Variants in NEDD9 observed in about 807,000 individuals in gnomAD.
The protein encoded by NEDD9 is neural precursor cell expressed, developmentally down-regulated 9, also known as enhancer of filamentation 1.
A neutral mutation model predicts 76.6 loss-of-function variants in NEDD9; 26 were observed. The ratio of observed to expected loss-of-function variants is 0.34; its 90% CI spans 0.25 to 0.47. NEDD9 has a LOEUF of 0.47. NEDD9 is among the 20% of genes least tolerant of loss of function. NEDD9 has a pLI of 1.00. For synonymous variants in NEDD9, 392 were observed against 414.2 expected (o/e 0.95, Z 0.65); for missense variants, 937 against 1,058.5 (o/e 0.89, Z 1.59).
chr6:11,217,160 G>C (rs1485410679), intron 1 of NEDD9, among the ~76,000 whole-genome samples: 1 of 152,224 alleles, frequency 6.6e-6, no homozygotes, highest in Non-Finnish European at 1.5e-5. Flanking sequence ...CAAGGTTTCA[G>C]TAAGACCATA....
intron 3 of NEDD9, among the ~76,000 whole-genome samples, chr6:11,298,630 A>T (rs1760961070): frequency 6.6e-6 from 1 of 152,250 alleles, no homozygotes; most frequent in Non-Finnish European, 1.5e-5. Flanking sequence ...GTAGGTATAA[A>T]AAATGAGAAG....
At chr6:11,345,980 A>G (rs533466664) in intron 1 of NEDD9, among the ~76,000 whole-genome samples, 1 of 152,228 alleles carries the variant, frequency 6.6e-6, no homozygotes, top group African/African-American at 2.4e-5. Context: ...ACCTCCAGGT[A>G]CTCTGCCCCC....
intron 1 of NEDD9, among the ~76,000 whole-genome samples, chr6:11,347,222 C>A (rs2113529937): frequency 6.6e-6 from 1 of 152,272 alleles, no homozygotes; most frequent in South Asian, 2.1e-4. Context: ...TGAGCTGCAA[C>A]TTTGGGCAAG....
intron 3 of NEDD9, among the ~76,000 whole-genome samples, chr6:11,247,596 C>T (rs1448198354): frequency 2.0e-5 from 3 of 152,176 alleles, no homozygotes; most frequent in Non-Finnish European, 4.4e-5. Context: ...CCATCACTCC[C>T]CATTTCCCCC....
intron 3 of NEDD9, among the ~76,000 whole-genome samples, chr6:11,277,465 G>A (rs866129265): frequency 7.9e-5 from 12 of 152,302 alleles, no homozygotes; most frequent in Admixed American, 2.6e-4. Flanking sequence ...GCTCAGGAAT[G>A]TGTTTCAATT....
intron 3 of NEDD9, among the ~76,000 whole-genome samples, chr6:11,292,268 A>G (rs1760796696): frequency 6.6e-6 from 1 of 152,214 alleles, no homozygotes; most frequent in Non-Finnish European, 1.5e-5. Flanking sequence ...AGCGTCTGGT[A>G]GGCATGGGAA....
intron 2 of NEDD9, among the ~76,000 whole-genome samples, chr6:11,332,057 C>T (rs1035423514): frequency 6.6e-6 from 1 of 152,288 alleles, no homozygotes; most frequent in African/African-American, 2.4e-5. Flanking sequence ...ACATGTCTTT[C>T]ATGAGCATTT....
intron 2 of NEDD9, among the ~76,000 whole-genome samples, chr6:11,324,073 G>A (rs754083267): frequency 1.3e-5 from 2 of 152,194 alleles, no homozygotes; most frequent in Non-Finnish European, 2.9e-5. Context: ...GCCCCACAAG[G>A]ATGCCGGGGA....
chr6:11,380,918 C>G (rs1354671953), intron 1 of NEDD9, among the ~76,000 whole-genome samples: 1 of 152,178 alleles, frequency 6.6e-6, no homozygotes, highest in Non-Finnish European at 1.5e-5. Context: ...CAGCAATCCT[C>G]CCGCCTTAGC....
At position 11,198,429 on chromosome 6, in the gene NEDD9, C is replaced by T. The variant is rs1248805649; in HGVS notation, c.460-4737G>A. On this transcript the variant is annotated intron_variant, in intron 2 of 6. Coordinates refer to ENST00000379446, the MANE Select transcript of NEDD9 (RefSeq NM_006403.4). This position sits in a 1 kb window ranked among gnomAD's most constrained non-coding sequence, Gnocchi z 4.7. ...TCTGTGCCTTCATCCATGCCATGTC[C>T]TTGTCTGAGATGCTCTTCTTTCTTT... is the stretch of plus-strand genomic sequence containing the variant. 1 of 152,224 alleles carries T rather than the reference C, an allele frequency of 6.6e-6. No homozygotes were observed. The highest frequency in any genetic ancestry group is 2.4e-5 in the African/African-American group (1 of 41,434). The allele number at this position is 152,224 out of a possible 1,614,324, so 9.4% of individuals were successfully genotyped here.
chr6:11,229,994 A>C (rs898028153), intron 1 of NEDD9, among the ~76,000 whole-genome samples: 2 of 152,242 alleles, frequency 1.3e-5, no homozygotes, highest in Admixed American at 1.3e-4. Flanking sequence ...CTGATTCATA[A>C]GTCTTTCAGT....
chr6:11,287,872 C>G (rs920791226), intron 3 of NEDD9, among the ~76,000 whole-genome samples: 5 of 152,212 alleles, frequency 3.3e-5, no homozygotes, highest in Non-Finnish European at 7.3e-5. Flanking sequence ...CTGTCACTGT[C>G]TTTATCACCT....
intron 1 of NEDD9, among the ~76,000 whole-genome samples, chr6:11,379,342 C>T (rs2113581860): frequency 6.6e-6 from 1 of 152,274 alleles, no homozygotes; most frequent in East Asian, 1.9e-4. Flanking sequence ...AATCCCAGCA[C>T]TTTGGGAGGC....
chr6:11,185,094 A>G lies in NEDD9; in HGVS notation c.*68T>C. Reference sequence around the variant, plus strand: ...CTACAAAAATAGATAACATTTACAAAAACCAGACAGTATTTCCAGTTTTCC... The same window carrying G: ...CTACAAAAATAGATAACATTTACAAGAACCAGACAGTATTTCCAGTTTTCC... On this transcript the variant is annotated 3_prime_UTR_variant, in exon 7 of 7. Transcript: ENST00000379446. 1.3e-6 allele frequency: 2 copies of G among 1,493,696 alleles called. No homozygotes were observed. 92.5% of individuals were successfully genotyped at this position (1,493,696 alleles called of 1,614,324 possible).
At chr6:11,339,536 T>C (rs2064112) in intron 1 of NEDD9, among the ~76,000 whole-genome samples, 52,841 of 151,108 alleles carry the variant, frequency 0.35, 9,722 homozygotes, top group Middle Eastern at 0.47. Context: ...GAGCAGCTTA[T>C]GTCTGTTGTG....
At chr6:11,218,695 T>G (rs1006972337) in intron 1 of NEDD9, among the ~76,000 whole-genome samples, 2 of 152,194 alleles carry the variant, frequency 1.3e-5, no homozygotes, top group Non-Finnish European at 2.9e-5. Context: ...ATTGTTGTAC[T>G]TAGAGAATTC....
At position 11,190,590 on chromosome 6, in the gene NEDD9, G is replaced by A; in HGVS notation, c.1279C>T (p.Leu427=). ...QQALEMGVSS[L]MALVTTDWRC... is the part of the protein sequence containing the mutation. ...CAGTCGGTAGTGACCAGTGCCATTA[G>A]GCTGGAGACACCCATCTCAAGGGCC... Residue 427 remains leucine, a synonymous_variant, in exon 5 of 7, where the codon CTA becomes TTA. Coordinates refer to ENST00000379446, the MANE Select transcript of NEDD9 (RefSeq NM_006403.4). This position sits in a 1 kb window ranked among gnomAD's most constrained non-coding sequence, Gnocchi z 5.8. 6.2e-7 allele frequency: 1 copy of A among 1,614,216 alleles called. No homozygotes were observed. The highest frequency in any genetic ancestry group is 1.1e-5 in the South Asian group (1 of 91,084).
chr6:11,288,375 A>T (rs1248002130), intron 3 of NEDD9, among the ~76,000 whole-genome samples: 1 of 152,334 alleles, frequency 6.6e-6, no homozygotes, highest in East Asian at 1.9e-4. Context: ...TCGTCTATAC[A>T]ACTGACAAGT....
At chr6:11,347,977 A>G (rs1762395941) in intron 1 of NEDD9, among the ~76,000 whole-genome samples, 1 of 152,230 alleles carries the variant, frequency 6.6e-6, no homozygotes, top group Admixed American at 6.5e-5. Context: ...AAGGGCATCC[A>G]AATAGGAAGA....
Sources: gnomAD v4.1 joint callset for allele counts (sites outside exome capture counted in the v4.1 genomes callset) on GRCh38, gnomAD v4.1.1 for gene constraint, Gnocchi (gnomAD v3.1) non-coding constraint, MANE v1.5 for transcripts, NCBI Gene and HGNC (gene_info 2026-07-23, HGNC 2026-07-21) for gene names.